The following GNE variants were observed in gnomAD, a reference collection of about 807,000 sequenced individuals.
The protein encoded by GNE is bifunctional UDP-N-acetylglucosamine 2-epimerase/N-acetylmannosamine kinase.
Under a neutral mutation model 61.8 loss-of-function variants are expected in GNE, and 41 were observed. The ratio of observed to expected loss-of-function variants is 0.66; its 90% CI spans 0.52 to 0.86. GNE has a LOEUF of 0.86. Ranked by LOEUF, GNE falls within the 40% of genes least tolerant of loss-of-function variation. The pLI, the probability that GNE is intolerant of heterozygous loss-of-function variation, is 0.00. For synonymous variants in GNE, 264 were observed against 326.4 expected (o/e 0.81, Z 2.06); for missense variants, 608 against 909.1 (o/e 0.67, Z 4.26).
At chr9:36,272,700 G>A (rs1381394015) in intron 1 of GNE, among the ~76,000 whole-genome samples, 1 of 150,894 alleles carries the variant, frequency 6.6e-6, no homozygotes, top group Non-Finnish European at 1.5e-5. Context: ...AGGGAAACCA[G>A]TTAGGAATAA....
At chr9:36,251,497 C>A (rs1830104291) in intron 1 of GNE, among the ~76,000 whole-genome samples, 1 of 152,150 alleles carries the variant, frequency 6.6e-6, no homozygotes, top group South Asian at 2.1e-4. Context: ...GATCATAGCT[C>A]ATTGCAGCCT....
chr9:36,254,498 C>G (rs1315712890), intron 1 of GNE, among the ~76,000 whole-genome samples: 1 of 152,094 alleles, frequency 6.6e-6, no homozygotes, highest in Non-Finnish European at 1.5e-5. Context: ...TGCCACCGCA[C>G]TCCAGCCTGA....
At position 36,249,318 on chromosome 9, in the gene GNE, C is replaced by G. The variant is rs1209266607; in HGVS notation, c.38G>C (p.Cys13Ser). ...ATCTGCACGGTTACAAGTAGCAACACAAACCCGCAGCTTTCGGTTATTTCC... is the reference window on the plus strand; with the variant it reads ...ATCTGCACGGTTACAAGTAGCAACAGAAACCCGCAGCTTTCGGTTATTTCC... ...KNGNNRKLRV[C>S]VATCNRADYS... The change falls in exon 2 of 12, where the codon TGT becomes TCT. Residue 13 changes from cysteine (C) to serine (S), a missense_variant. Physicochemically the swap from Cys to Ser is moderately radical, Grantham distance 112. Transcript: ENST00000642385. 2 of 1,613,940 alleles carry G rather than the reference C, an allele frequency of 1.2e-6. No individual in the cohort carries two copies. The highest frequency in any genetic ancestry group is 4.5e-5 in the East Asian group (2 of 44,900).
intron 5 of GNE, among the ~76,000 whole-genome samples, chr9:36,231,221 T>C (rs1377554632): frequency 6.6e-6 from 1 of 152,096 alleles, no homozygotes; most frequent in Non-Finnish European, 1.5e-5. Context: ...TCCAGGACTT[T>C]GTGAGGCCAA....
intron 4 of GNE, among the ~76,000 whole-genome samples, chr9:36,235,771 CAG>C (rs1829364647): frequency 6.6e-6 from 1 of 152,062 alleles, no homozygotes; most frequent in African/African-American, 2.4e-5. Flanking sequence ...AATACTAAGA[CAG>C]GGGTTCTTTC....
rs1828250266 is a variant in GNE at position 36,215,873 on chromosome 9, C to G, written c.*1492G>C. On this transcript the variant is annotated 3_prime_UTR_variant, in exon 12 of 12. Coordinates refer to ENST00000642385, the MANE Select transcript of GNE (RefSeq NM_005476.7). ...TTAATGGACACCCTAGGGTGTTACT[C>G]AACACAGTATGAAAGGCTACTGAAG... 1 of 164,770 alleles carries G rather than the reference C, an allele frequency of 6.1e-6. No homozygotes were observed. The highest frequency in any genetic ancestry group is 6.0e-5 in the Admixed American group (1 of 16,560). The allele number at this position is 164,770 out of a possible 1,614,324, so 10.2% of individuals were successfully genotyped here.
At chr9:36,267,719 A>G in intron 1 of GNE, 1 of 151,692 alleles carries the variant, frequency 6.6e-6, no homozygotes, top group East Asian at 1.9e-4. Flanking sequence ...CAAACAAAAT[A>G]TATATATATA....
intron 6 of GNE, among the ~76,000 whole-genome samples, chr9:36,228,655 G>A (rs1047266841): frequency 6.6e-6 from 1 of 151,672 alleles, no homozygotes; most frequent in Non-Finnish European, 1.5e-5. Context: ...TTAGCCAGGC[G>A]TGGTGGTGCG....
rs779698272 is a variant in GNE at position 36,249,419 on chromosome 9, C to T, written c.-42-22G>A. 3.3e-6 allele frequency: 5 copies of T among 1,501,184 alleles called. No homozygotes were observed. In the South Asian group the frequency reaches 4.6e-5, roughly 14 times the overall value. The allele number at this position is 1,501,184 out of a possible 1,614,324, so 93.0% of individuals were successfully genotyped here. ...GTTCCTGAAATTGCCAAAATAAAAA[C>T]TTTATAATCAGAATAACTCCTAGAT... is the stretch of plus-strand genomic sequence containing the variant. On this transcript the variant is annotated intron_variant, in intron 1 of 11. Transcript: ENST00000642385.
intron 4 of GNE, 40 bp downstream of exon 4, chr9:36,236,792 G>A (rs1829412732): frequency 6.3e-7 from 1 of 1,590,418 alleles, no homozygotes; most frequent in African/African-American, 1.3e-5. Flanking sequence ...ATAAAATTGG[G>A]AAAAGTAGGT....
intron 1 of GNE, among the ~76,000 whole-genome samples, chr9:36,264,651 A>G (rs906351845): frequency 6.6e-6 from 1 of 152,154 alleles, no homozygotes; most frequent in Non-Finnish European, 1.5e-5. Context: ...TGGATTTCCT[A>G]GGCCGACTAA....
intron 1 of GNE, among the ~76,000 whole-genome samples, chr9:36,251,986 C>CT (rs34737463): frequency 0.66 from 88,046 of 134,132 alleles, 29,309 homozygotes; most frequent in Non-Finnish European, 0.68. Context: ...ACTATCTGAT[C>CT]TTTTTTTTTT....
rs1829423732 is a variant in GNE, at chr9:36,236,995, A to G, written c.617-11T>C. ...ATTTTACATCATCACCTGTTTAAAG[A>G]AAATCAAACCACATTGCTTCATTAG... On this transcript the variant is annotated splice_polypyrimidine_tract_variant and intron_variant, in intron 3 of 11. Transcript: ENST00000642385. 3 of 1,603,910 alleles carry G rather than the reference A, an allele frequency of 1.9e-6. No homozygotes were observed. Among genetic ancestry groups the G allele is most frequent in the African/African-American group, 1.3e-5 (1 of 74,870 alleles).
At position 36,242,287 on chromosome 9, in the gene GNE, CA is replaced by C. The variant is rs201582112; in HGVS notation, c.616+3743del. On this transcript the variant is annotated intron_variant, in intron 3 of 11. Transcript: ENST00000642385. Reference sequence around the variant, plus strand: ...TTTTCTTTTTCACTGGTTTAAAGACCAAAAAAAAAAAAAGCAATTTTAGCTG... The same window carrying C: ...TTTTCTTTTTCACTGGTTTAAAGACCAAAAAAAAAAAAGCAATTTTAGCTG... Among the ~76,000 whole-genome samples the C allele has an allele frequency of 7.1e-3, 1,024 of 145,228 alleles. 9 individuals are homozygous for C. The highest frequency in any genetic ancestry group is 0.019 in the African/African-American group (758 of 39,430).
At chr9:36,244,156 G>T (rs944746837) in intron 3 of GNE, among the ~76,000 whole-genome samples, 1 of 151,940 alleles carries the variant, frequency 6.6e-6, no homozygotes, top group Non-Finnish European at 1.5e-5. Context: ...TAGAGACAGC[G>T]TCTTGCTATG....
At chr9:36,221,459 T>C (rs1210748029) in intron 9 of GNE, among the ~76,000 whole-genome samples, 1 of 152,064 alleles carries the variant, frequency 6.6e-6, no homozygotes, top group Non-Finnish European at 1.5e-5. Context: ...CATTTAAAAA[T>C]CAAGTTATAC....
Position 36,218,338 on chromosome 9 carries a change from T to C in GNE, c.1817-39A>G. On this transcript the variant is annotated intron_variant, in intron 10 of 11. Transcript: ENST00000642385. The surrounding 1 kb of genome is among the most constrained non-coding windows in gnomAD (Gnocchi z 4.1). ...GAAGGAAAAGCAGTCACTAATGAGC[T>C]GTGGGGAGGCCAAGCTCACCACTGG... 2 of 1,469,630 alleles carry C rather than the reference T, an allele frequency of 1.4e-6. No individual in the cohort carries two copies. The highest frequency in any genetic ancestry group is 1.9e-6 in the Non-Finnish European group (2 of 1,048,250). 91.0% of individuals were successfully genotyped at this position (1,469,630 alleles called of 1,614,324 possible). A position where few individuals can be genotyped will look rare whatever the true frequency, so the allele number is the denominator to read the frequency against.
intron 2 of GNE, among the ~76,000 whole-genome samples, chr9:36,248,922 C>T (rs1485744354): frequency 6.6e-6 from 1 of 152,158 alleles, no homozygotes; most frequent in Non-Finnish European, 1.5e-5. Context: ...TTATTTATAG[C>T]TACCATTTAT....
chr9:36,221,184 G>A (rs1409974069), intron 9 of GNE, among the ~76,000 whole-genome samples: 3 of 152,178 alleles, frequency 2.0e-5, no homozygotes, highest in Non-Finnish European at 2.9e-5. Flanking sequence ...AGCCGGGTGT[G>A]GTGGCACATT....
Sources: allele counts gnomAD v4.1 joint callset (sites outside exome capture counted in the v4.1 genomes callset), GRCh38; gene constraint gnomAD v4.1.1; non-coding constraint Gnocchi (gnomAD v3.1); transcripts MANE v1.5; gene names NCBI Gene and HGNC (gene_info 2026-07-23, HGNC 2026-07-21).